GMPS: variants seen among roughly 807,000 people sequenced by gnomAD.
GMPS encodes the protein GMP synthase [glutamine-hydrolyzing].
GMPS carries 15 observed loss-of-function variants against 77.9 expected under a neutral mutation model. The ratio of observed to expected loss-of-function variants is 0.19; its 90% CI spans 0.13 to 0.30. The LOEUF (loss-of-function observed/expected upper bound fraction) is 0.30, where lower values mean the gene tolerates loss of function less well. GMPS is among the 10% of genes least tolerant of loss of function. The pLI is 1.00. For missense variants in GMPS, 590 were observed against 838.8 expected, an observed-to-expected ratio of 0.70 and a Z score of 3.66; for synonymous variants, 224 against 275.9, an observed-to-expected ratio of 0.81 and a Z score of 1.86.
chr3:155,931,069 A>G (rs1755603275), intron 12 of GMPS, among the ~76,000 whole-genome samples: 1 of 151,864 alleles, frequency 6.6e-6, no homozygotes, highest in African/African-American at 2.4e-5. Flanking sequence ...CAACTGACCC[A>G]CCCACCTCGG....
chr3:155,886,786 G>A (rs1227118656), intron 1 of GMPS, among the ~76,000 whole-genome samples: 2 of 151,838 alleles, frequency 1.3e-5, no homozygotes, highest in African/African-American at 2.4e-5. Context: ...GATTACAGGC[G>A]TGAGCCACCG....
chr3:155,914,465 A>C lies in GMPS; in HGVS notation c.933A>C (p.Pro311=). The C allele has an allele frequency of 1.2e-5, 19 of 1,601,368 alleles. No individual in the cohort carries two copies. The highest frequency in any genetic ancestry group is 1.6e-5 in the Non-Finnish European group (19 of 1,175,288). Residue 311 remains proline, a synonymous_variant, in exon 8 of 16, where the codon CCA becomes CCC. Coordinates refer to ENST00000496455, the MANE Select transcript of GMPS (RefSeq NM_003875.3). ...TCTACAATGGAACAACAACCCTACC[A>C]ATATCAGATGAAGATAGAACCCCAC... is the stretch of plus-strand genomic sequence containing the variant. ...HSFYNGTTTL[P]ISDEDRTPRK... is the part of the protein sequence containing the mutation.
chr3:155,899,964 G>A (rs1015878182), intron 3 of GMPS, among the ~76,000 whole-genome samples: 12 of 152,220 alleles, frequency 7.9e-5, no homozygotes, highest in Non-Finnish European at 1.8e-4. Flanking sequence ...CCATTGTATG[G>A]AGGTATCACA....
chr3:155,875,698 G>A (rs1240048824), intron 1 of GMPS, among the ~76,000 whole-genome samples: 4 of 152,170 alleles, frequency 2.6e-5, no homozygotes, highest in Admixed American at 2.0e-4. Flanking sequence ...ATACAATTCT[G>A]GGTTGCGTAG....
chr3:155,896,729 A>ATTT (rs1020255894), intron 2 of GMPS, among the ~76,000 whole-genome samples: 76 of 91,950 alleles, frequency 8.3e-4, no homozygotes, highest in South Asian at 1.1e-3. Flanking sequence ...CCTTACTGAG[A>ATTT]TTTTTTTTTT....
intron 3 of GMPS, among the ~76,000 whole-genome samples, chr3:155,901,606 T>TA (rs1448572880): frequency 2.2e-4 from 33 of 152,238 alleles, no homozygotes; most frequent in African/African-American, 7.9e-4. Context: ...CAGCAATATA[T>TA]AAAAAATCTT....
At chr3:155,878,239 T>G (rs920352951) in intron 1 of GMPS, among the ~76,000 whole-genome samples, 3 of 152,232 alleles carry the variant, frequency 2.0e-5, no homozygotes, top group African/African-American at 7.2e-5. Context: ...GCACCTATTT[T>G]GGACATTTTG....
At chr3:155,913,271 G>A (rs1015460317) in intron 7 of GMPS, among the ~76,000 whole-genome samples, 1 of 152,134 alleles carries the variant, frequency 6.6e-6, no homozygotes, top group African/African-American at 2.4e-5. Flanking sequence ...TACGGTGAAG[G>A]CCTCCAGTAG....
At chr3:155,910,973 G>A in intron 6 of GMPS, 88 bp downstream of exon 6, 3 of 1,091,732 alleles carry the variant, frequency 2.7e-6, no homozygotes, top group Non-Finnish European at 2.7e-6. Flanking sequence ...GCCCTTAAAT[G>A]TTCTACAGTT....
chr3:155,919,371 T>C, intron 10 of GMPS, 33 bp downstream of exon 10: 1 of 991,752 alleles, frequency 1.0e-6, no homozygotes, highest in Non-Finnish European at 1.6e-6. Context: ...GTTTGATTCA[T>C]CTTTAGACCT....
chr3:155,928,614 C>T (rs1266866008), intron 12 of GMPS, among the ~76,000 whole-genome samples: 1 of 150,838 alleles, frequency 6.6e-6, no homozygotes, highest in East Asian at 2.0e-4. Flanking sequence ...TATACATGTG[C>T]CATGCTGGTG....
intron 1 of GMPS, among the ~76,000 whole-genome samples, chr3:155,876,793 A>G (rs1268242758): frequency 6.6e-6 from 1 of 152,216 alleles, no homozygotes; most frequent in Admixed American, 6.5e-5. Flanking sequence ...TAATTATATA[A>G]TAAGAGTATT....
chr3:155,909,817 CTGT>C (rs1754983141), intron 5 of GMPS, among the ~76,000 whole-genome samples: 2 of 152,074 alleles, frequency 1.3e-5, no homozygotes, highest in African/African-American at 4.8e-5. Flanking sequence ...TGGCATGCAC[CTGT>C]TGTTCCAGCT....
intron 5 of GMPS, among the ~76,000 whole-genome samples, chr3:155,909,289 A>G (rs1754970430): frequency 6.6e-6 from 1 of 152,218 alleles, no homozygotes; most frequent in Non-Finnish European, 1.5e-5. Flanking sequence ...GTAGTTGAAT[A>G]TATTTTTGTG....
intron 1 of GMPS, among the ~76,000 whole-genome samples, chr3:155,885,731 G>A (rs1303308243): frequency 6.6e-6 from 1 of 152,176 alleles, no homozygotes; most frequent in African/African-American, 2.4e-5. Flanking sequence ...CAGATTTTTG[G>A]ATTAAGGATG....
chr3:155,873,663 C>T (rs1190203539), intron 1 of GMPS, among the ~76,000 whole-genome samples: 4 of 10,224 alleles, frequency 3.9e-4, no homozygotes, highest in Non-Finnish European at 6.7e-4. Flanking sequence ...GAGATGGAGT[C>T]TAGCTCTGTC....
intron 1 of GMPS, among the ~76,000 whole-genome samples, chr3:155,890,965 G>A (rs1754449051): frequency 6.6e-6 from 1 of 152,188 alleles, no homozygotes; most frequent in Non-Finnish European, 1.5e-5. Context: ...GTGTAAGACA[G>A]GCAACACACT....
chr3:155,937,543 C>A (rs376163300), intron 15 of GMPS, 48 bp from the exon 16 acceptor site: 237 of 817,240 alleles, frequency 2.9e-4, no homozygotes, highest in Non-Finnish European at 4.6e-4. Flanking sequence ...TCTAGGACTG[C>A]TGGACATGCA....
chr3:155,906,171 A>G lies in GMPS; in HGVS notation c.434A>G (p.Lys145Arg). ...TTTTGTATGTTTAGGGGCCTTCAGA[A>G]GGAAGAAGTTGTTTTGCTTACACAT... is the stretch of plus-strand genomic sequence containing the variant. The part of the protein sequence containing the change: ...NTCSLFRGLQ[K>R]EEVVLLTHGD... The change falls in exon 5 of 16, where the codon AAG becomes AGG. Residue 145 changes from lysine to arginine, a missense_variant. Around this residue, in one of 6 missense-constraint regions of GMPS, gnomAD observed 136 missense variants for 225.6 expected, o/e 0.60. Coordinates refer to ENST00000496455, the MANE Select transcript of GMPS (RefSeq NM_003875.3). 1 of 1,591,792 alleles carries G rather than the reference A, an allele frequency of 6.3e-7. No homozygotes were observed. The highest frequency in any genetic ancestry group is 1.1e-5 in the South Asian group (1 of 87,980).
Sources: allele counts gnomAD v4.1 joint callset (sites outside exome capture counted in the v4.1 genomes callset), GRCh38; gene constraint gnomAD v4.1.1; regional missense constraint gnomAD v4.1.1; transcripts MANE v1.5; gene names NCBI Gene and HGNC (gene_info 2026-07-23, HGNC 2026-07-21).